The following SMR3A variants were observed in gnomAD, a reference collection of about 807,000 sequenced individuals.
SMR3A encodes submaxillary gland androgen regulated protein 3A, also known as submaxillary gland androgen-regulated protein 3A.
For synonymous variants in SMR3A, 48 were observed against 57.4 expected (o/e 0.84, Z 0.74); for missense variants, 188 against 163.0 (o/e 1.15, Z -0.84).
chr4:70,366,745 AC>A lies in SMR3A; in HGVS notation c.160del (p.His54IlefsTer68). 1 of 1,611,788 alleles carries A rather than the reference AC, an allele frequency of 6.2e-7. No homozygotes were observed. The highest frequency in any genetic ancestry group is 8.5e-7 in the Non-Finnish European group (1 of 1,178,518). ...CTTTTGGAACAGGATTTGTTCCACCACCCCATCCTCCACCCTATGGTCCAGG... is the reference window on the plus strand; with the variant it reads ...CTTTTGGAACAGGATTTGTTCCACCACCCATCCTCCACCCTATGGTCCAGG... ...FPFGTGFVPPPHPPPYGPGRF... is the reference protein window; with the variant it reads ...FPFGTGFVPPXHPPPYGPGRF... On this transcript the variant is annotated frameshift_variant, in exon 3 of 3. Coordinates refer to ENST00000226460, the MANE Select transcript of SMR3A (RefSeq NM_012390.4). LOFTEE classifies it low-confidence loss of function (END_TRUNC).
intron 2 of SMR3A, among the ~76,000 whole-genome samples, chr4:70,362,486 G>A (rs906506856): frequency 2.6e-5 from 4 of 151,718 alleles, no homozygotes; most frequent in Non-Finnish European, 5.9e-5. Context: ...ATAGTTTAAA[G>A]TAGTTGTTCC....
At chr4:70,363,777 G>T (rs1732199073) in intron 2 of SMR3A, among the ~76,000 whole-genome samples, 1 of 152,056 alleles carries the variant, frequency 6.6e-6, no homozygotes, top group South Asian at 2.1e-4. Context: ...TTTAGGAAAA[G>T]GTACTTTCAG....
At chr4:70,364,006 T>G (rs968581500) in intron 2 of SMR3A, among the ~76,000 whole-genome samples, 6 of 152,006 alleles carry the variant, frequency 3.9e-5, no homozygotes, top group African/African-American at 1.4e-4. Context: ...TGCCTTGGAA[T>G]TTTTTGTTTG....
At chr4:70,365,435 C>A (rs1732238755) in intron 2 of SMR3A, among the ~76,000 whole-genome samples, 1 of 151,994 alleles carries the variant, frequency 6.6e-6, no homozygotes, top group Non-Finnish European at 1.5e-5. Context: ...AGATAAGCAC[C>A]ACCCTAGGCA....
Position 70,366,698 on chromosome 4 carries a change from C to T in SMR3A, c.109C>T (p.Pro37Ser), listed in dbSNP as rs1732269292. The T allele has an allele frequency of 2.5e-6, 4 of 1,612,002 alleles. No homozygotes were observed. Among genetic ancestry groups the T allele is most frequent in the East Asian group, 2.2e-5 (1 of 44,772 alleles). Residue 37 changes from proline to serine, a missense_variant, in exon 3 of 3, where the codon CCT becomes TCT. Physicochemically the swap from Pro to Ser is moderately conservative, Grantham distance 74 (BLOSUM62 -1). Coordinates refer to ENST00000226460, the MANE Select transcript of SMR3A (RefSeq NM_012390.4). ...RGPYPPGPLAPPPPPCFPFGT... is the reference protein window; with the variant it reads ...RGPYPPGPLASPPPPCFPFGT... ...ACCATATCCACCTGGACCACTGGCT[C>T]CTCCTCCTCCACCATGTTTTCCTTT...
intron 2 of SMR3A, among the ~76,000 whole-genome samples, chr4:70,364,645 A>G (rs1355086513): frequency 6.6e-6 from 1 of 152,010 alleles, no homozygotes; most frequent in East Asian, 1.9e-4. Flanking sequence ...ATTGCCTGAA[A>G]TATCTTGGTG....
chr4:70,366,660 G>A lies in SMR3A; in HGVS notation c.71G>A (p.Arg24Lys). 6.2e-7 allele frequency: 1 copy of A among 1,606,766 alleles called. No homozygotes were observed. Among genetic ancestry groups the A allele is most frequent in the Non-Finnish European group, 8.5e-7 (1 of 1,176,098 alleles). The change falls in exon 3 of 3, where the codon AGA (arginine) becomes AAA (lysine). Residue 24 changes from arginine to lysine, a missense_variant. Coordinates refer to ENST00000226460, the MANE Select transcript of SMR3A (RefSeq NM_012390.4). ...AACFTPGESQ[R>K]GPRGPYPPGP... ...TTTCCACAGCCTGGTGAGAGTCAAA[G>A]AGGCCCCAGGGGACCATATCCACCT...
intron 2 of SMR3A, among the ~76,000 whole-genome samples, chr4:70,365,891 T>C (rs1246465728): frequency 6.6e-6 from 1 of 152,060 alleles, no homozygotes; most frequent in African/African-American, 2.4e-5. Context: ...AGGCATTTAT[T>C]TCCATTTAGA....
Position 70,362,125 on chromosome 4 carries a change from C to T in SMR3A, c.10C>T (p.Leu4=). The T allele has an allele frequency of 6.2e-7, 1 of 1,611,818 alleles. No homozygotes were observed. Among genetic ancestry groups the T allele is most frequent in the Non-Finnish European group, 8.5e-7 (1 of 1,178,374 alleles). Reference sequence around the variant, plus strand: ...AGAGGCAACTGAAAGGATGAAATCACTGACTTGGATCTTGGGCCTTTGGGC... The same window carrying T: ...AGAGGCAACTGAAAGGATGAAATCATTGACTTGGATCTTGGGCCTTTGGGC... MKS[L]TWILGLWALA... Residue 4 remains leucine (L), a synonymous_variant, in exon 2 of 3, where the codon CTG becomes TTG. Transcript: ENST00000226460.
At chr4:70,366,573 A>C in intron 2 of SMR3A, 71 bp from the exon 3 acceptor site, 1 of 1,396,220 alleles carries the variant, frequency 7.2e-7, no homozygotes, top group Non-Finnish European at 9.8e-7. Context: ...TGCTTACCAT[A>C]GAAACCATTC....
chr4:70,366,922 C>T lies in SMR3A; in HGVS notation c.333C>T (p.Pro111=). ...CACAGCCACCTTCCCAACCAAGACCCTATCCACCTGGACCTCCATTTTTCC... is the reference window on the plus strand; with the variant it reads ...CACAGCCACCTTCCCAACCAAGACCTTATCCACCTGGACCTCCATTTTTCC... ...GYPQPPSQPR[P]YPPGPPFFPV... is the part of the protein sequence containing the mutation. The change falls in exon 3 of 3, where the codon CCC becomes CCT. Residue 111 remains proline (P), a synonymous_variant. Coordinates refer to ENST00000226460, the MANE Select transcript of SMR3A (RefSeq NM_012390.4). 1.2e-6 allele frequency: 2 copies of T among 1,613,676 alleles called. No individual in the cohort carries two copies. The highest frequency in any genetic ancestry group is 1.7e-6 in the Non-Finnish European group (2 of 1,179,788).
chr4:70,363,842 A>C (rs898715477), intron 2 of SMR3A, among the ~76,000 whole-genome samples: 1 of 152,012 alleles, frequency 6.6e-6, no homozygotes, highest in African/African-American at 2.4e-5. Flanking sequence ...TTCCATACTA[A>C]GGATTTGTTT....
intron 2 of SMR3A, among the ~76,000 whole-genome samples, chr4:70,363,347 T>C (rs1732188863): frequency 6.6e-6 from 1 of 151,962 alleles, no homozygotes; most frequent in Non-Finnish European, 1.5e-5. Context: ...GCATGTCCTT[T>C]GCATATACAT....
chr4:70,362,256 T>G, intron 2 of SMR3A, 87 bp downstream of exon 2: 1 of 1,588,556 alleles, frequency 6.3e-7, no homozygotes, highest in South Asian at 1.1e-5. Context: ...TGATGTTACC[T>G]TTTCTTATAT....
Position 70,360,809 on chromosome 4 carries a change from G to A in SMR3A, c.-48G>A, listed in dbSNP as rs1560521574. ...TGGCAAGAGTCATTTTGACCAGCAG[G>A]TTAATCAACTCTAAGACAGATCCTC... On this transcript the variant is annotated 5_prime_UTR_variant, in exon 1 of 3. Coordinates refer to ENST00000226460, the MANE Select transcript of SMR3A (RefSeq NM_012390.4). 1.3e-5 allele frequency: 2 copies of A among 151,860 alleles called. No homozygotes were observed. The highest frequency in any genetic ancestry group is 2.1e-4 in the South Asian group (1 of 4,820). 9.4% of individuals were successfully genotyped at this position (151,860 alleles called of 1,614,324 possible). A position where few individuals can be genotyped will look rare whatever the true frequency, so the allele number is the denominator to read the frequency against.
In SMR3A at chr4:70,366,729, C is replaced by G. The variant is rs758890643; in HGVS notation, c.140C>G (p.Thr47Arg). Residue 47 changes from threonine to arginine, a missense_variant, in exon 3 of 3, where the codon ACA (threonine) becomes AGA (arginine). Coordinates refer to ENST00000226460, the MANE Select transcript of SMR3A (RefSeq NM_012390.4). Reference sequence around the variant, plus strand: ...CCTCCACCATGTTTTCCTTTTGGAACAGGATTTGTTCCACCACCCCATCCT... The same window carrying G: ...CCTCCACCATGTTTTCCTTTTGGAAGAGGATTTGTTCCACCACCCCATCCT... ...PPPPPCFPFG[T>R]GFVPPPHPPP... is the part of the protein sequence containing the mutation. 1 of 1,613,448 alleles carries G rather than the reference C, an allele frequency of 6.2e-7. No individual in the cohort carries two copies. Among genetic ancestry groups the G allele is most frequent in the African/African-American group, 1.3e-5 (1 of 74,980 alleles).
chr4:70,361,103 T>C (rs1265841237), intron 1 of SMR3A, among the ~76,000 whole-genome samples: 1 of 116,186 alleles, frequency 8.6e-6, no homozygotes, highest in Non-Finnish European at 2.0e-5. Context: ...TGAAACTTCA[T>C]AATGATAGAT....
At chr4:70,366,507 G>A (rs10031674) in intron 2 of SMR3A, 137 bp from the exon 3 acceptor site, 201,229 of 770,128 alleles carry the variant, frequency 0.26, 28,642 homozygotes, top group South Asian at 0.41. Flanking sequence ...CACCTGATAA[G>A]GTCAGGCCAG....
At chr4:70,361,470 G>A (rs1443877514) in intron 1 of SMR3A, among the ~76,000 whole-genome samples, 2 of 151,816 alleles carry the variant, frequency 1.3e-5, no homozygotes, top group Non-Finnish European at 2.9e-5. Context: ...CATATTCTCT[G>A]ACTTGGTCTT....
Sources: gnomAD v4.1 joint callset for allele counts (sites outside exome capture counted in the v4.1 genomes callset) on GRCh38, gnomAD v4.1.1 for gene constraint, MANE v1.5 for transcripts, NCBI Gene and HGNC (gene_info 2026-07-23, HGNC 2026-07-21) for gene names.